Variants in TFDP2 observed in about 807,000 individuals in gnomAD.
TFDP2 encodes the protein transcription factor Dp-2, also known as transcription factor Dp-2 (E2F dimerization partner 2).
In TFDP2, 17 loss-of-function variants were observed where a neutral mutation model predicts 59.3. That is an observed-to-expected ratio of 0.29 (90% confidence interval 0.20 to 0.43). The LOEUF is 0.43. TFDP2 is among the 20% of genes least tolerant of loss of function. TFDP2 has a pLI of 1.00. For synonymous variants in TFDP2, 180 were observed against 194.7 expected, an observed-to-expected ratio of 0.92 and a Z score of 0.63; for missense variants, 391 against 528.8, an observed-to-expected ratio of 0.74 and a Z score of 2.56.
rs551089978 is a variant in TFDP2 at position 141,982,508 on chromosome 3, A to T, written c.357-3826T>A. Among the ~76,000 whole-genome samples, 11 of 152,220 alleles carry T rather than the reference A, an allele frequency of 7.2e-5. 1 individual carries two copies. Among genetic ancestry groups the T allele is most frequent in the African/African-American group, 2.6e-4 (11 of 41,524 alleles). ...GAACCATCAATTGAGATAACTCACT[A>T]CCTTCAGGCCAGCCAGTTACATACT... On this transcript the variant is annotated intron_variant, in intron 6 of 12. Transcript: ENST00000489671.
At chr3:142,001,588 T>C (rs1943774259) in intron 4 of TFDP2, among the ~76,000 whole-genome samples, 5 of 152,222 alleles carry the variant, frequency 3.3e-5, no homozygotes, top group Admixed American at 2.0e-4. Flanking sequence ...GCCACTCTTT[T>C]GGTGTTCTCT....
chr3:141,959,126 G>C (rs1346637906), intron 11 of TFDP2, among the ~76,000 whole-genome samples: 1 of 151,630 alleles, frequency 6.6e-6, no homozygotes, highest in African/African-American at 2.4e-5. Flanking sequence ...CTAATTTTTT[G>C]TATTTTTTTA....
At chr3:142,098,478 T>C (rs1459704021) in intron 2 of TFDP2, among the ~76,000 whole-genome samples, 4 of 152,020 alleles carry the variant, frequency 2.6e-5, no homozygotes, top group African/African-American at 7.3e-5. Flanking sequence ...CATGTAGTTC[T>C]AGTAAGACAA....
intron 9 of TFDP2, among the ~76,000 whole-genome samples, 147 bp downstream of exon 9, chr3:141,969,919 CGTGGATG>C (rs1474062564): frequency 6.6e-6 from 1 of 152,174 alleles, no homozygotes; most frequent in Non-Finnish European, 1.5e-5. Context: ...AGGCAGAGCA[CGTGGATG>C]GCAACAAGCT....
chr3:142,003,875 C>G (rs1944013494), intron 4 of TFDP2, among the ~76,000 whole-genome samples: 1 of 152,104 alleles, frequency 6.6e-6, no homozygotes. Flanking sequence ...ATTATACATG[C>G]TTCCAAAGGA....
intron 3 of TFDP2, chr3:142,044,084 G>A: frequency 1.5e-6 from 1 of 649,628 alleles, no homozygotes; most frequent in Non-Finnish European, 2.9e-6. Context: ...CGCATCTGCT[G>A]ACGGGAGTTG....
intron 1 of TFDP2, among the ~76,000 whole-genome samples, chr3:142,120,335 C>T (rs1239190963): frequency 1.3e-5 from 2 of 152,060 alleles, no homozygotes; most frequent in Admixed American, 6.6e-5. Flanking sequence ...GCACTCCAAC[C>T]TGGGCGACAG....
chr3:142,011,586 A>G (rs1395453924), intron 3 of TFDP2, among the ~76,000 whole-genome samples: 3 of 137,722 alleles, frequency 2.2e-5, no homozygotes, highest in Non-Finnish European at 4.9e-5. Flanking sequence ...AACTTAAAGT[A>G]TAATAAAAAA....
rs1425610536 is a variant in TFDP2, at chr3:141,963,711, GA to G, written c.884+100del. ...ATGTGCCCCAAGGAAGCCAGCCTTT[GA>G]GGGGTGCAACTAATAAAGTGCATCC... On this transcript the variant is annotated intron_variant, in intron 10 of 12. Coordinates refer to ENST00000489671, the MANE Select transcript of TFDP2 (RefSeq NM_001178139.2). 7.9e-6 allele frequency: 11 copies of G among 1,388,962 alleles called. No individual in the cohort carries two copies. The African/African-American group carries it at 1.6e-4, about 20-fold the overall frequency. The allele number at this position is 1,388,962 out of a possible 1,614,324, so 86.0% of individuals were successfully genotyped here.
At chr3:142,076,404 A>T (rs1368099254) in intron 3 of TFDP2, among the ~76,000 whole-genome samples, 1 of 152,116 alleles carries the variant, frequency 6.6e-6, no homozygotes, top group Non-Finnish European at 1.5e-5. Flanking sequence ...ACAATGGGGG[A>T]ATGGATAGGT....
At chr3:141,979,211 T>A (rs561098859) in intron 6 of TFDP2, among the ~76,000 whole-genome samples, 1 of 152,296 alleles carries the variant, frequency 6.6e-6, no homozygotes, top group African/African-American at 2.4e-5. Flanking sequence ...AATAATGCAT[T>A]ACTCACATGT....
chr3:142,098,179 C>T lies in TFDP2; in HGVS notation c.15+3556G>A, dbSNP rs146206171. Among the ~76,000 whole-genome samples the T allele has an allele frequency of 4.4e-3, 657 of 150,784 alleles. 4 individuals carry two copies. Among genetic ancestry groups the T allele is most frequent in the African/African-American group, 0.015 (618 of 40,994 alleles). On this transcript the variant is annotated intron_variant, in intron 2 of 12. Coordinates refer to ENST00000489671, the MANE Select transcript of TFDP2 (RefSeq NM_001178139.2). ...CAAAATTTTGCTGACAGTCTCTAGG[C>T]TATTTTTTCTTTTCTTTATCTGTAT... is the stretch of plus-strand genomic sequence containing the variant.
At chr3:142,043,728 G>C in intron 3 of TFDP2, 1 of 1,311,562 alleles carries the variant, frequency 7.6e-7, no homozygotes, top group Non-Finnish European at 1.1e-6. Flanking sequence ...TCTTAGACCT[G>C]GGGGCCTCAG....
chr3:141,976,069 C>T (rs11569228), intron 7 of TFDP2, among the ~76,000 whole-genome samples: 5,183 of 152,048 alleles, frequency 0.034, 310 homozygotes, highest in African/African-American at 0.12. Flanking sequence ...TTAGTACAGA[C>T]AGGGTTTCAT....
intron 4 of TFDP2, chr3:142,000,219 G>A: frequency 1.4e-6 from 1 of 699,632 alleles, no homozygotes; most frequent in African/African-American, 1.7e-5. Context: ...ACAAAACTGG[G>A]TAATTTACAA....
At chr3:142,120,645 T>C (rs1353287811) in intron 1 of TFDP2, among the ~76,000 whole-genome samples, 2 of 152,196 alleles carry the variant, frequency 1.3e-5, no homozygotes, top group African/African-American at 4.8e-5. Context: ...TTACACAGTA[T>C]CTTTGCTTAT....
chr3:142,093,753 C>A (rs2061074625), intron 2 of TFDP2, among the ~76,000 whole-genome samples: 1 of 152,152 alleles, frequency 6.6e-6, no homozygotes, highest in Non-Finnish European at 1.5e-5. Flanking sequence ...GGCCTTAAGT[C>A]CAACTGCTTG....
chr3:141,947,414 CTTTCT>C lies in TFDP2; in HGVS notation c.*5094_*5098del, dbSNP rs1453291996. Reference sequence around the variant, plus strand: ...TCTCAATTTCTAATCATTTTTCTTTCTTTCTTTTTTCTTTTTTTGAGACAGAGTCC... The same window carrying C: ...TCTCAATTTCTAATCATTTTTCTTTCTTTTTCTTTTTTTGAGACAGAGTCC... On this transcript the variant is annotated 3_prime_UTR_variant, in exon 13 of 13. Transcript: ENST00000489671. The C allele has an allele frequency of 6.6e-6, 1 of 151,906 alleles. No individual in the cohort carries two copies. The highest frequency in any genetic ancestry group is 1.5e-5 in the Non-Finnish European group (1 of 67,952). The allele number at this position is 151,906 out of a possible 1,614,324, so 9.4% of individuals were successfully genotyped here.
chr3:142,030,964 G>C lies in TFDP2; in HGVS notation c.83-25420C>G, dbSNP rs948318850. Reference sequence around the variant, plus strand: ...TCACCGTTTTAGCCGGGATGGTCTCGATCTCCTGACCTCGTGATCCGCCCG... The same window carrying C: ...TCACCGTTTTAGCCGGGATGGTCTCCATCTCCTGACCTCGTGATCCGCCCG... On this transcript the variant is annotated intron_variant, in intron 3 of 12. Coordinates refer to ENST00000489671, the MANE Select transcript of TFDP2 (RefSeq NM_001178139.2). Among the ~76,000 whole-genome samples the C allele has an allele frequency of 4.6e-5, 7 of 151,470 alleles. 1 individual carries two copies. The highest frequency in any genetic ancestry group is 1.5e-4 in the African/African-American group (6 of 41,242).
Sources: gnomAD v4.1 joint callset for allele counts (sites outside exome capture counted in the v4.1 genomes callset) on GRCh38, gnomAD v4.1.1 for gene constraint, MANE v1.5 for transcripts, NCBI Gene and HGNC (gene_info 2026-07-23, HGNC 2026-07-21) for gene names.